The following SUCLA2 variants were observed in gnomAD, a reference collection of about 807,000 sequenced individuals.
SUCLA2 encodes the protein succinate-CoA ligase ADP-forming subunit beta, also known as succinate--CoA ligase [ADP-forming] subunit beta, mitochondrial.
In SUCLA2, 30 loss-of-function variants were observed where a neutral mutation model predicts 54.8. The observed-to-expected ratio is 0.55, with a 90% confidence interval of 0.41 to 0.74. The LOEUF (loss-of-function observed/expected upper bound fraction) is 0.74. SUCLA2 is among the 30% of genes least tolerant of loss of function. SUCLA2 has a pLI of 0.00. For missense variants in SUCLA2, 476 were observed against 562.9 expected, an observed-to-expected ratio of 0.85 and a Z score of 1.56; for synonymous variants, 172 against 188.9, an observed-to-expected ratio of 0.91 and a Z score of 0.74.
At chr13:47,949,297 C>A (rs1593477243) in intron 9 of SUCLA2, among the ~76,000 whole-genome samples, 186 bp downstream of exon 9, 1 of 152,204 alleles carries the variant, frequency 6.6e-6, no homozygotes, top group African/African-American at 2.4e-5. Context: ...TCAAATTATA[C>A]CAAGCAAAAG....
intron 6 of SUCLA2, among the ~76,000 whole-genome samples, chr13:47,955,116 AG>A (rs1369895710): frequency 2.0e-5 from 3 of 152,214 alleles, no homozygotes; most frequent in Non-Finnish European, 4.4e-5. Flanking sequence ...TCTAATTAAA[AG>A]AGGGGTCTCA....
chr13:47,945,354 CA>C (rs1351085741), intron 10 of SUCLA2, among the ~76,000 whole-genome samples: 1 of 127,152 alleles, frequency 7.9e-6, no homozygotes, highest in Non-Finnish European at 1.6e-5. Context: ...ACCCAGGAGG[CA>C]AAGGTTACAG....
intron 8 of SUCLA2, among the ~76,000 whole-genome samples, chr13:47,950,578 T>G (rs1949768110): frequency 6.6e-6 from 1 of 152,206 alleles, no homozygotes; most frequent in Non-Finnish European, 1.5e-5. Context: ...TCTCAGGACC[T>G]GTTTGGGTCA....
At chr13:47,970,112 A>C (rs1295026477) in intron 5 of SUCLA2, among the ~76,000 whole-genome samples, 3 of 148,362 alleles carry the variant, frequency 2.0e-5, no homozygotes, top group Non-Finnish European at 3.0e-5. Context: ...CCCCCCACAA[A>C]AAAAAAAAAA....
chr13:47,943,744 A>ATGTG (rs150379863), intron 10 of SUCLA2, among the ~76,000 whole-genome samples: 1 of 144,580 alleles, frequency 6.9e-6, no homozygotes, highest in Admixed American at 7.0e-5. Flanking sequence ...GTGTGTATGT[A>ATGTG]TGTGTGTGTG....
intron 4 of SUCLA2, among the ~76,000 whole-genome samples, chr13:47,986,662 G>C (rs1950107151): frequency 6.6e-6 from 1 of 152,126 alleles, no homozygotes; most frequent in South Asian, 2.1e-4. Context: ...TTTCCTTCTA[G>C]AGTTTTTATA....
intron 6 of SUCLA2, among the ~76,000 whole-genome samples, chr13:47,966,149 G>A (rs971717128): frequency 6.6e-6 from 1 of 152,142 alleles, no homozygotes; most frequent in Non-Finnish European, 1.5e-5. Flanking sequence ...ACACACAAAT[G>A]CATGTGTACA....
intron 2 of SUCLA2, among the ~76,000 whole-genome samples, chr13:47,996,187 G>C (rs1244301850): frequency 6.6e-6 from 1 of 151,894 alleles, no homozygotes; most frequent in Non-Finnish European, 1.5e-5. Flanking sequence ...AGCCGGACAT[G>C]GTGGTGGTGC....
At chr13:47,961,745 T>G (rs759303114) in intron 6 of SUCLA2, among the ~76,000 whole-genome samples, 1 of 152,236 alleles carries the variant, frequency 6.6e-6, no homozygotes, top group African/African-American at 2.4e-5. Context: ...GTAGTAATTA[T>G]GATTATGTTA....
chr13:47,954,341 A>G (rs1370571336), intron 7 of SUCLA2, 55 bp downstream of exon 7: 26 of 1,613,704 alleles, frequency 1.6e-5, no homozygotes, highest in Middle Eastern at 3.3e-4. Context: ...AATTAAACTT[A>G]GTAAATCCAA....
At chr13:47,944,487 T>A (rs1159879294) in intron 10 of SUCLA2, among the ~76,000 whole-genome samples, 1 of 151,128 alleles carries the variant, frequency 6.6e-6, no homozygotes, top group Non-Finnish European at 1.5e-5. Flanking sequence ...AAGCTTTTCT[T>A]AATTTAAGTT....
At chr13:47,991,417 C>T (rs1950148160) in intron 2 of SUCLA2, 1 of 152,190 alleles carries the variant, frequency 6.6e-6, no homozygotes, top group South Asian at 2.1e-4. Flanking sequence ...GGAAAAGCCC[C>T]CGATCCTTCA....
intron 4 of SUCLA2, among the ~76,000 whole-genome samples, chr13:47,977,719 A>C (rs1356684021): frequency 6.6e-6 from 1 of 152,188 alleles, no homozygotes; most frequent in Non-Finnish European, 1.5e-5. Flanking sequence ...AAAATTGAAT[A>C]CCCTTTCACG....
At chr13:48,000,137 GAA>G (rs10714629) in intron 1 of SUCLA2, among the ~76,000 whole-genome samples, 2 of 94,198 alleles carry the variant, frequency 2.1e-5, no homozygotes, top group African/African-American at 3.9e-5. Context: ...CAATAAAAAT[GAA>G]AAAAAAAAAA....
intron 5 of SUCLA2, among the ~76,000 whole-genome samples, chr13:47,971,061 A>G (rs1372994898): frequency 2.6e-5 from 4 of 151,918 alleles, no homozygotes; most frequent in African/African-American, 9.7e-5. Flanking sequence ...ATAAAAATCA[A>G]TAATAAAAAA....
rs1425790333 is a variant in SUCLA2 at position 47,988,897 on chromosome 13, A to ACTCCTCCT, written c.348_355dup (p.Val119GlufsTer4). 17 of 1,612,472 alleles carry ACTCCTCCT rather than the reference A, an allele frequency of 1.1e-5. No homozygotes were observed. Among genetic ancestry groups the ACTCCTCCT allele is most frequent in the Admixed American group, 3.3e-5 (2 of 59,974 alleles). On this transcript the variant is annotated frameshift_variant, in exon 3 of 11. Transcript: ENST00000646932. LOFTEE classifies it high-confidence loss of function. ...TGTGACTTACGAGAAAACTATCTTC[A>ACTCCTCCT]CTCCTCCTTTGAGGCCACTTTCAAA... is the stretch of plus-strand genomic sequence containing the variant.
intron 6 of SUCLA2, among the ~76,000 whole-genome samples, chr13:47,967,882 T>G (rs1023430683): frequency 2.0e-4 from 29 of 143,098 alleles, no homozygotes; most frequent in African/African-American, 7.4e-4. Context: ...GAGATTTGAG[T>G]ACATGCAAAA....
At chr13:47,943,884 C>A (rs953246844) in intron 10 of SUCLA2, among the ~76,000 whole-genome samples, 1 of 151,642 alleles carries the variant, frequency 6.6e-6, no homozygotes, top group East Asian at 1.9e-4. Flanking sequence ...AATAAGTATA[C>A]AATCTTAACT....
At chr13:47,988,326 T>A (rs1950120830) in intron 4 of SUCLA2, 2 of 554,644 alleles carry the variant, frequency 3.6e-6, no homozygotes, top group Admixed American at 7.2e-5. Context: ...ACAGCAGAAT[T>A]TTTCCTATAA....
Sources: allele counts gnomAD v4.1 joint callset (sites outside exome capture counted in the v4.1 genomes callset), GRCh38; gene constraint gnomAD v4.1.1; transcripts MANE v1.5; gene names NCBI Gene and HGNC (gene_info 2026-07-23, HGNC 2026-07-21).